Variants in THSD7A observed in about 807,000 individuals in gnomAD.
THSD7A encodes thrombospondin type 1 domain containing 7A.
In THSD7A, 96 loss-of-function variants were observed where a neutral mutation model predicts 231.3. That is an observed-to-expected ratio of 0.41 (90% confidence interval 0.35 to 0.49). The LOEUF is 0.49. Ranked by LOEUF, THSD7A falls within the 20% of genes least tolerant of loss-of-function variation. The probability of loss-of-function intolerance (pLI) is 0.05; values close to 1 mark genes in which losing one functional copy is unlikely to be tolerated. For missense variants in THSD7A, 2,290 were observed against 2,070.2 expected (o/e 1.11, Z -2.06); for synonymous variants, 940 against 743.3 (o/e 1.26, Z -4.30).
Position 11,701,888 on chromosome 7 carries a change from T to C in THSD7A, c.191-64927A>G, listed in dbSNP as rs1209337644. On this transcript the variant is annotated intron_variant, in intron 1 of 27. Coordinates refer to ENST00000423059, the MANE Select transcript of THSD7A (RefSeq NM_015204.3). ...CAATCAGTCTCTCTACCTCTCTAAC[T>C]CTCTTTCCTCCCCTCTTTCCTAGGA... Among the ~76,000 whole-genome samples the C allele has an allele frequency of 2.0e-5, 3 of 151,166 alleles. No homozygotes were observed. In the East Asian group the frequency reaches 5.9e-4, roughly 30 times the overall value.
intron 17 of THSD7A, among the ~76,000 whole-genome samples, chr7:11,415,939 CT>C (rs1219735143): frequency 6.6e-6 from 1 of 152,200 alleles, no homozygotes; most frequent in African/African-American, 2.4e-5. Context: ...GCCCAAAAAT[CT>C]TTTCCAACCA....
intron 2 of THSD7A, among the ~76,000 whole-genome samples, chr7:11,629,948 T>A (rs1195875434): frequency 6.6e-6 from 1 of 152,168 alleles, no homozygotes; most frequent in Non-Finnish European, 1.5e-5. Context: ...ACACGTATGG[T>A]TTACAGATGA....
At position 11,379,681 on chromosome 7, in the gene THSD7A, G is replaced by C. The variant is rs761976977; in HGVS notation, c.4539C>G (p.Ala1513=). 3 of 1,593,396 alleles carry C rather than the reference G, an allele frequency of 1.9e-6. No individual in the cohort carries two copies. Among genetic ancestry groups the C allele is most frequent in the African/African-American group, 2.7e-5 (2 of 74,658 alleles). ...TACACGGTGGGTTACAAGACCTGTCGGCATCAGGCTGGCTCATCACCAAGC... is the reference window on the plus strand; with the variant it reads ...TACACGGTGGGTTACAAGACCTGTCCGCATCAGGCTGGCTCATCACCAAGC... ...GGCLVMSQPD[A]DRSCNPPCSQ... is the part of the protein sequence containing the mutation. Residue 1513 remains alanine (A), a synonymous_variant, in exon 25 of 28, where the codon GCC becomes GCG. Coordinates refer to ENST00000423059, the MANE Select transcript of THSD7A (RefSeq NM_015204.3).
chr7:11,379,503 G>C, intron 25 of THSD7A, 127 bp downstream of exon 25: 2 of 953,780 alleles, frequency 2.1e-6, no homozygotes, highest in Non-Finnish European at 3.2e-6. Context: ...TTGATAAAAG[G>C]AGATGTCTAA....
At chr7:11,815,702 C>CT (rs1784671770) in intron 1 of THSD7A, among the ~76,000 whole-genome samples, 1 of 152,068 alleles carries the variant, frequency 6.6e-6, no homozygotes, top group Non-Finnish European at 1.5e-5. Flanking sequence ...TCACATCTGA[C>CT]TTAACATTTA....
intron 6 of THSD7A, among the ~76,000 whole-genome samples, chr7:11,504,939 T>C (rs1157487637): frequency 1.3e-5 from 2 of 152,088 alleles, no homozygotes; most frequent in Non-Finnish European, 2.9e-5. Flanking sequence ...TCCAAAACAC[T>C]TTAATAAAAA....
intron 1 of THSD7A, among the ~76,000 whole-genome samples, chr7:11,773,196 T>G (rs976428483): frequency 1.3e-5 from 2 of 152,182 alleles, no homozygotes; most frequent in African/African-American, 4.8e-5. Context: ...TTATGGAATT[T>G]TACACATCAA....
At chr7:11,504,492 T>A (rs760503479) in intron 6 of THSD7A, among the ~76,000 whole-genome samples, 4 of 152,200 alleles carry the variant, frequency 2.6e-5, no homozygotes, top group Non-Finnish European at 4.4e-5. Flanking sequence ...ATAAAAAAAA[T>A]TTTAAAAAGA....
At chr7:11,461,504 A>G (rs1305911285) in intron 10 of THSD7A, among the ~76,000 whole-genome samples, 4 of 152,220 alleles carry the variant, frequency 2.6e-5, no homozygotes, top group East Asian at 1.9e-4. Context: ...GATGATATAT[A>G]GCTTCGATAA....
intron 1 of THSD7A, among the ~76,000 whole-genome samples, chr7:11,753,556 CT>C (rs1782576064): frequency 6.6e-6 from 1 of 151,354 alleles, no homozygotes; most frequent in Admixed American, 6.6e-5. Flanking sequence ...CTCTCTCTCT[CT>C]CTCTCTCTCT....
intron 4 of THSD7A, among the ~76,000 whole-genome samples, chr7:11,549,759 G>T (rs1050833563): frequency 4.8e-5 from 7 of 146,292 alleles, no homozygotes; most frequent in Admixed American, 3.4e-4. Context: ...ACATACACTA[G>T]GGCCTGTTGG....
chr7:11,702,021 T>C (rs956982868), intron 1 of THSD7A, among the ~76,000 whole-genome samples: 3 of 151,246 alleles, frequency 2.0e-5, no homozygotes, highest in Non-Finnish European at 3.0e-5. Flanking sequence ...CCCAGTGTAT[T>C]TCATGGGTGT....
intron 2 of THSD7A, among the ~76,000 whole-genome samples, chr7:11,603,282 C>T (rs1408242715): frequency 1.3e-5 from 2 of 150,364 alleles, no homozygotes; most frequent in African/African-American, 4.8e-5. Context: ...AAAAAATGCT[C>T]ATCATCACTG....
At chr7:11,684,987 A>G (rs1223489140) in intron 1 of THSD7A, among the ~76,000 whole-genome samples, 2 of 151,956 alleles carry the variant, frequency 1.3e-5, no homozygotes, top group African/African-American at 4.8e-5. Context: ...GCAAGGCTAT[A>G]AGTAACCAAA....
rs992872672 is a variant in THSD7A at position 11,814,954 on chromosome 7, T to G, written c.190+16803A>C. On this transcript the variant is annotated intron_variant, in intron 1 of 27. Coordinates refer to ENST00000423059, the MANE Select transcript of THSD7A (RefSeq NM_015204.3). The surrounding 1 kb of genome is among the most constrained non-coding windows in gnomAD (Gnocchi z 5.1). ...ATTACTCCTCTCTCCACAGGGCCCA[T>G]GAACTAATGGGAACAAATGAAGCAC... is the stretch of plus-strand genomic sequence containing the variant. 2.0e-5 allele frequency among the ~76,000 whole-genome samples: 3 copies of G among 152,018 alleles called. No homozygotes were observed. The highest frequency in any genetic ancestry group is 7.2e-5 in the African/African-American group (3 of 41,404).
chr7:11,390,931 G>T (rs1247660209), intron 23 of THSD7A, among the ~76,000 whole-genome samples: 1 of 152,236 alleles, frequency 6.6e-6, no homozygotes, highest in Non-Finnish European at 1.5e-5. Flanking sequence ...AGAGGCTACA[G>T]AACAGCAAAG....
chr7:11,566,704 T>C (rs2128332258), intron 4 of THSD7A, among the ~76,000 whole-genome samples: 1 of 152,306 alleles, frequency 6.6e-6, no homozygotes, highest in South Asian at 2.1e-4. Flanking sequence ...TCCTGGATAT[T>C]TCAGAAAGTC....
chr7:11,479,070 T>C (rs747761131), intron 7 of THSD7A, among the ~76,000 whole-genome samples: 6 of 152,194 alleles, frequency 3.9e-5, no homozygotes, highest in Non-Finnish European at 7.3e-5. Context: ...GGTCTTCATA[T>C]GGTGATGCAA....
intron 4 of THSD7A, among the ~76,000 whole-genome samples, chr7:11,564,014 A>G (rs1032420856): frequency 3.3e-5 from 5 of 152,202 alleles, no homozygotes; most frequent in Non-Finnish European, 5.9e-5. Flanking sequence ...TGGAATTAGA[A>G]CATTTTTACA....
Sources: gnomAD v4.1 joint callset for allele counts (sites outside exome capture counted in the v4.1 genomes callset) on GRCh38, gnomAD v4.1.1 for gene constraint, Gnocchi (gnomAD v3.1) non-coding constraint, MANE v1.5 for transcripts, NCBI Gene and HGNC (gene_info 2026-07-23, HGNC 2026-07-21) for gene names.